NAA60: variants seen among roughly 807,000 people sequenced by gnomAD.
NAA60 encodes the protein N-alpha-acetyltransferase 60.
NAA60 carries 8 observed loss-of-function variants against 26.1 expected under a neutral mutation model. The ratio of observed to expected loss-of-function variants is 0.31; its 90% CI spans 0.18 to 0.55. The LOEUF is 0.55. Among genes scored for constraint, NAA60 ranks in the 20% least tolerant of loss-of-function variants. NAA60 has a pLI of 0.93. For missense variants in NAA60, 290 were observed against 311.3 expected, an observed-to-expected ratio of 0.93 and a Z score of 0.51; for synonymous variants, 131 against 122.5, an observed-to-expected ratio of 1.07 and a Z score of -0.46.
chr16:3,475,637 G>C (rs1025234294), intron 2 of NAA60, among the ~76,000 whole-genome samples: 3 of 152,194 alleles, frequency 2.0e-5, no homozygotes, highest in Admixed American at 6.5e-5. Context: ...GTCCCCCAAA[G>C]TCTCTTTCTT....
At chr16:3,467,153 C>G (rs895823662) in intron 2 of NAA60, among the ~76,000 whole-genome samples, 6 of 152,140 alleles carry the variant, frequency 3.9e-5, no homozygotes, top group African/African-American at 1.4e-4. Flanking sequence ...GAAGCAGCGT[C>G]TCATGCAGCC....
At chr16:3,456,209 G>T (rs2034986296) in intron 2 of NAA60, among the ~76,000 whole-genome samples, 1 of 152,180 alleles carries the variant, frequency 6.6e-6, no homozygotes, top group Non-Finnish European at 1.5e-5. Flanking sequence ...TCACATGGGG[G>T]TCTTGTTGAA....
chr16:3,478,870 G>C (rs1007410307), intron 3 of NAA60, among the ~76,000 whole-genome samples: 1 of 152,266 alleles, frequency 6.6e-6, no homozygotes, highest in East Asian at 1.9e-4. Flanking sequence ...CACTCACCTG[G>C]TGGAGGAACA....
At chr16:3,457,700 C>T (rs1219254462) in intron 2 of NAA60, among the ~76,000 whole-genome samples, 1 of 152,228 alleles carries the variant, frequency 6.6e-6, no homozygotes, top group Non-Finnish European at 1.5e-5. Flanking sequence ...ATGCGCCTGC[C>T]AGGGCCTGTG....
chr16:3,457,098 C>T (rs934981244), intron 2 of NAA60, among the ~76,000 whole-genome samples: 1 of 152,136 alleles, frequency 6.6e-6, no homozygotes, highest in Non-Finnish European at 1.5e-5. Flanking sequence ...AGCCAAGACT[C>T]GAATCTTATA....
intron 5 of NAA60, chr16:3,482,843 C>T (rs2036932564): frequency 5.3e-6 from 3 of 567,874 alleles, no homozygotes; most frequent in South Asian, 4.0e-5. Context: ...GCTGCAGCCT[C>T]GCTCAGCCCC....
chr16:3,450,197 C>T (rs985996636), intron 2 of NAA60: 3 of 353,176 alleles, frequency 8.5e-6, no homozygotes, highest in African/African-American at 4.2e-5. Flanking sequence ...TTGTGCTAGT[C>T]TCATGGAGCT....
intron 2 of NAA60, among the ~76,000 whole-genome samples, chr16:3,465,448 G>T (rs2035691066): frequency 6.6e-6 from 1 of 152,174 alleles, no homozygotes; most frequent in East Asian, 1.9e-4. Context: ...CGCCACTTCT[G>T]ACACTGACTG....
rs564127530 is a variant in NAA60 at position 3,455,093 on chromosome 16, C to A, written c.-7+6553C>A. Among the ~76,000 whole-genome samples the A allele has an allele frequency of 3.3e-5, 5 of 152,268 alleles. No individual in the cohort carries two copies. The East Asian group carries it at 9.6e-4, about 29-fold the overall frequency. ...TTTTTTGAGACTGTCACTTTGTTGC[C>A]CAGGCTGGAGTGCAATGGTGCGATC... On this transcript the variant is annotated intron_variant, in intron 2 of 7. Coordinates refer to ENST00000407558, the MANE Select transcript of NAA60 (RefSeq NM_001083601.3).
At chr16:3,458,115 G>T in intron 2 of NAA60, 1 of 985,274 alleles carries the variant, frequency 1.0e-6, no homozygotes, top group Non-Finnish European at 1.2e-6. Context: ...CCACTTCCCG[G>T]CTCCCTTCGC....
At chr16:3,460,013 G>A (rs2035275186) in intron 2 of NAA60, among the ~76,000 whole-genome samples, 2 of 152,210 alleles carry the variant, frequency 1.3e-5, no homozygotes, top group Admixed American at 1.3e-4. Flanking sequence ...CTTGCTAACT[G>A]GGTGCTCGTA....
chr16:3,477,548 C>T (rs1438488812), intron 3 of NAA60, among the ~76,000 whole-genome samples: 1 of 151,358 alleles, frequency 6.6e-6, no homozygotes, highest in African/African-American at 2.4e-5. Flanking sequence ...CGCCTGTAAT[C>T]CCAGCACTTT....
chr16:3,458,197 G>A, intron 2 of NAA60: 3 of 984,626 alleles, frequency 3.0e-6, no homozygotes, highest in Non-Finnish European at 3.6e-6. Flanking sequence ...GTGGCGGGGG[G>A]CGGCCGCCGG....
chr16:3,472,386 G>C (rs1352451295), intron 2 of NAA60: 1 of 152,182 alleles, frequency 6.6e-6, no homozygotes. Flanking sequence ...GAGAAATTTG[G>C]TTGGTTTTCT....
rs760689287 is a variant in NAA60, at chr16:3,479,513, G to C, written c.153G>C (p.Lys51Asn). 6.2e-7 allele frequency: 1 copy of C among 1,614,062 alleles called. No homozygotes were observed. The highest frequency in any genetic ancestry group is 1.7e-5 in the Admixed American group (1 of 60,022). ...ATCGTGATATCACATCCAACAAGAA[G>C]TTCTTTTCCCTTGCTGCAACCTACA... The part of the protein sequence containing the change: ...SWYRDITSNK[K>N]FFSLAATYRG... Residue 51 changes from lysine to asparagine, a missense_variant, in exon 4 of 8, where the codon AAG (lysine) becomes AAC (asparagine). Lys to Asn is a moderately conservative substitution (Grantham distance 94). Coordinates refer to ENST00000407558, the MANE Select transcript of NAA60 (RefSeq NM_001083601.3).
chr16:3,465,640 G>A (rs1240345297), intron 2 of NAA60, among the ~76,000 whole-genome samples: 3 of 152,208 alleles, frequency 2.0e-5, no homozygotes, highest in African/African-American at 4.8e-5. Flanking sequence ...AGGATGCAGA[G>A]GGATGGATCC....
At chr16:3,448,722 G>C (rs947536870) in intron 2 of NAA60, 182 bp downstream of exon 2, 9 of 561,326 alleles carry the variant, frequency 1.6e-5, no homozygotes, top group Non-Finnish European at 2.5e-5. Context: ...GGGTAAATGA[G>C]TATATTCTTA....
At chr16:3,443,880 C>A in intron 1 of NAA60, 43 bp downstream of exon 1, 1 of 1,513,458 alleles carries the variant, frequency 6.6e-7, no homozygotes, top group East Asian at 2.5e-5. Flanking sequence ...AAATTTCGGT[C>A]TGGCCAGAGC....
rs1034242971 is a variant in NAA60 at position 3,483,556 on chromosome 16, T to C, written c.531T>C (p.Tyr177=). ...GGGTCCTCAAAGATGGCTTCACCTA[T>C]GTCCTCTACATCAACGGCGGCCACC... ...IRGVLKDGFT[Y]VLYINGGHPP... is the part of the protein sequence containing the mutation. The change falls in exon 6 of 8, where the codon TAT becomes TAC. Residue 177 remains tyrosine, a synonymous_variant. Coordinates refer to ENST00000407558, the MANE Select transcript of NAA60 (RefSeq NM_001083601.3). The C allele has an allele frequency of 3.1e-6, 5 of 1,613,306 alleles. No individual in the cohort carries two copies. The African/African-American group carries it at 4.0e-5, about 13-fold the overall frequency.
Sources: gnomAD v4.1 joint callset for allele counts (sites outside exome capture counted in the v4.1 genomes callset) on GRCh38, gnomAD v4.1.1 for gene constraint, MANE v1.5 for transcripts, NCBI Gene and HGNC (gene_info 2026-07-23, HGNC 2026-07-21) for gene names.